The following PRR16 variants were observed in gnomAD, a reference collection of about 807,000 sequenced individuals.
PRR16 encodes the protein protein Largen.
A neutral mutation model predicts 18.2 loss-of-function variants in PRR16; 6 were observed. The observed-to-expected ratio is 0.33, with a 90% CI of 0.18 to 0.65. PRR16 has a LOEUF of 0.65. Among genes scored for constraint, PRR16 ranks in the 30% least tolerant of loss-of-function variants. The pLI is 0.74. For missense variants in PRR16, 412 were observed against 376.6 expected, an observed-to-expected ratio of 1.09 and a Z score of -0.78; for synonymous variants, 151 against 147.8, an observed-to-expected ratio of 1.02 and a Z score of -0.16.
At chr5:120,754,281 TAAATATA>T in the PRR16 span, among the ~76,000 whole-genome samples, 1 of 39,788 alleles carries the variant, frequency 2.5e-5, no homozygotes, top group South Asian at 8.3e-4. Context: ...AAATAATATA[TAAATATA>T]TAATATATAA....
downstream of PRR16, among the ~76,000 whole-genome samples, chr5:120,687,909 G>C (rs1328667794): frequency 1.3e-5 from 2 of 152,164 alleles, no homozygotes; most frequent in Non-Finnish European, 2.9e-5. Context: ...CAACTGATGA[G>C]ATATTTTGTC....
In PRR16 at chr5:120,470,430, T is replaced by TTCTTTTAG. The variant is rs1395819623; in HGVS notation, c.159+5792_159+5799dup. On this transcript the variant is annotated intron_variant, in intron 1 of 1. Transcript: ENST00000407149. ...AGTATACTAAACATTTTGTCATATT[T>TTCTTTTAG]TCTTTTAGTCTTTTTGTATGCATAT... is the stretch of plus-strand genomic sequence containing the variant. 2.0e-5 allele frequency among the ~76,000 whole-genome samples: 3 copies of TTCTTTTAG among 152,170 alleles called. No homozygotes were observed. The East Asian group carries it at 5.8e-4, about 29-fold the overall frequency.
At position 120,503,926 on chromosome 5, in the gene PRR16, C is replaced by G. The variant is rs564619224; in HGVS notation, c.159+39281C>G. Among the ~76,000 whole-genome samples, 17 of 151,794 alleles carry G rather than the reference C, an allele frequency of 1.1e-4. No homozygotes were observed. The South Asian group carries it at 1.9e-3, about 17-fold the overall frequency. On this transcript the variant is annotated intron_variant, in intron 1 of 1. Transcript: ENST00000407149. ...GTCCTTGTGATAGTTTACTGAGAAT[C>G]ATGATTTCCAATTTCATCCATGTCC...
chr5:120,669,504 A>C (rs559142168), intron 1 of PRR16, among the ~76,000 whole-genome samples: 1 of 152,084 alleles, frequency 6.6e-6, no homozygotes, highest in Non-Finnish European at 1.5e-5. Flanking sequence ...GATATTACAA[A>C]TTACTCAGAA....
At chr5:120,708,196 T>C in the PRR16 span, among the ~76,000 whole-genome samples, 2 of 152,224 alleles carry the variant, frequency 1.3e-5, no homozygotes, top group East Asian at 1.9e-4. Context: ...GGTTGTACAT[T>C]TGCCTTGGGA....
chr5:120,464,858 T>G (rs1413051855), intron 1 of PRR16, among the ~76,000 whole-genome samples: 1 of 151,958 alleles, frequency 6.6e-6, no homozygotes, highest in Non-Finnish European at 1.5e-5. Flanking sequence ...AATCAACTAG[T>G]GTTTTAATCG....
chr5:120,663,222 G>C (rs1207759405), intron 1 of PRR16, among the ~76,000 whole-genome samples: 6 of 151,476 alleles, frequency 4.0e-5, no homozygotes, highest in African/African-American at 1.5e-4. Flanking sequence ...TTTTCCCTTA[G>C]CTGATAGTAT....
At chr5:120,495,719 T>G (rs1750222265) in intron 1 of PRR16, among the ~76,000 whole-genome samples, 1 of 152,028 alleles carries the variant, frequency 6.6e-6, no homozygotes, top group Admixed American at 6.6e-5. Flanking sequence ...GACTTTTCTA[T>G]TATTTAGGAT....
the PRR16 span, among the ~76,000 whole-genome samples, chr5:120,771,073 C>A: frequency 6.6e-6 from 1 of 151,316 alleles, no homozygotes; most frequent in Non-Finnish European, 1.5e-5. Context: ...ATTTCTGGTA[C>A]CTTGTATTGT....
intron 1 of PRR16, among the ~76,000 whole-genome samples, chr5:120,589,670 G>A (rs1025669459): frequency 3.3e-5 from 5 of 152,106 alleles, no homozygotes; most frequent in South Asian, 2.1e-4. Context: ...ATGTGAAAGC[G>A]GAAATCCCTG....
chr5:120,490,170 C>A (rs1328913564), intron 1 of PRR16, among the ~76,000 whole-genome samples: 2 of 152,060 alleles, frequency 1.3e-5, no homozygotes, highest in African/African-American at 4.8e-5. Flanking sequence ...GTGGCGTTCT[C>A]TGTATTGCCT....
At chr5:120,647,788 C>A (rs1199978825) in intron 1 of PRR16, among the ~76,000 whole-genome samples, 1 of 152,092 alleles carries the variant, frequency 6.6e-6, no homozygotes, top group Non-Finnish European at 1.5e-5. Flanking sequence ...GCCTCATCTT[C>A]ATGCCATTTA....
At chr5:120,705,138 G>T in the PRR16 span, among the ~76,000 whole-genome samples, 1 of 151,816 alleles carries the variant, frequency 6.6e-6, no homozygotes, top group African/African-American at 2.4e-5. Context: ...AGTTTTAATT[G>T]TTTGCATTCA....
intron 1 of PRR16, chr5:120,618,534 AT>A: frequency 1.0e-6 from 1 of 955,450 alleles, no homozygotes; most frequent in Non-Finnish European, 1.2e-6. Flanking sequence ...ATTTAGCTAT[AT>A]TTATCTTCTC....
At chr5:120,575,859 T>G in intron 1 of PRR16, among the ~76,000 whole-genome samples, 1 of 152,140 alleles carries the variant, frequency 6.6e-6, no homozygotes, top group East Asian at 1.9e-4. Flanking sequence ...GAAGTCAAAT[T>G]ATTCCTGTTT....
chr5:120,483,971 A>G lies in PRR16; in HGVS notation c.159+19326A>G, dbSNP rs183398826. 3.5e-3 allele frequency among the ~76,000 whole-genome samples: 536 copies of G among 152,170 alleles called. 4 individuals are homozygous for G. Among genetic ancestry groups the G allele is most frequent in the Middle Eastern group, 0.01 (3 of 294 alleles). On this transcript the variant is annotated intron_variant, in intron 1 of 1. Coordinates refer to ENST00000407149, the MANE Select transcript of PRR16 (RefSeq NM_001300783.2). ...CATTAACAATCTTAATTTTCAGCCT[A>G]TAGTAGATTGTAGATACCAAATTAG...
intron 1 of PRR16, among the ~76,000 whole-genome samples, chr5:120,485,995 C>T (rs1345251322): frequency 6.6e-6 from 1 of 152,134 alleles, no homozygotes; most frequent in African/African-American, 2.4e-5. Flanking sequence ...TTTCTTATGG[C>T]TGCATAGTAT....
At chr5:120,551,397 C>T (rs1325878914) in intron 1 of PRR16, among the ~76,000 whole-genome samples, 7 of 151,924 alleles carry the variant, frequency 4.6e-5, no homozygotes, top group South Asian at 2.1e-4. Context: ...CCGGCTCTTT[C>T]GCTAACTGGT....
intron 1 of PRR16, among the ~76,000 whole-genome samples, chr5:120,587,017 C>G (rs1753469976): frequency 6.6e-6 from 1 of 152,166 alleles, no homozygotes; most frequent in African/African-American, 2.4e-5. Flanking sequence ...GCAAAACAGC[C>G]TTATTGCTGA....
Sources: allele counts gnomAD v4.1 joint callset (sites outside exome capture counted in the v4.1 genomes callset), GRCh38; gene constraint gnomAD v4.1.1; transcripts MANE v1.5; gene names NCBI Gene and HGNC (gene_info 2026-07-23, HGNC 2026-07-21).